Variants in NEK4 observed in about 807,000 individuals in gnomAD.
The protein encoded by NEK4 is NIMA related kinase 4, also known as serine/threonine-protein kinase Nek4.
A neutral mutation model predicts 98.4 loss-of-function variants in NEK4; 86 were observed. The observed-to-expected ratio is 0.87, with a 90% CI of 0.73 to 1.05. The LOEUF (loss-of-function observed/expected upper bound fraction) is 1.05. Among genes scored for constraint, NEK4 ranks in the 50% least tolerant of loss-of-function variants. The pLI is 0.00. For synonymous variants in NEK4, 328 were observed against 342.2 expected (o/e 0.96, Z 0.46); for missense variants, 898 against 950.3 (o/e 0.94, Z 0.72).
At chr3:52,727,197 T>C (rs6794706) in intron 15 of NEK4, among the ~76,000 whole-genome samples, 147,850 of 152,142 alleles carry the variant, frequency 0.97, 71,992 homozygotes, top group Middle Eastern at 1. Context: ...TGGTCTCGAA[T>C]TCCTGACCTT....
chr3:52,736,856 T>C (rs1371365475), intron 15 of NEK4, among the ~76,000 whole-genome samples: 1 of 152,224 alleles, frequency 6.6e-6, no homozygotes, highest in Non-Finnish European at 1.5e-5. Context: ...TTGAGTATGA[T>C]TCACATTTAA....
At chr3:52,714,692 A>G (rs2097353509) in intron 15 of NEK4, among the ~76,000 whole-genome samples, 1 of 152,156 alleles carries the variant, frequency 6.6e-6, no homozygotes, top group African/African-American at 2.4e-5. Flanking sequence ...GTCGGGCGCA[A>G]AGGGGCAGGC....
At chr3:52,714,668 G>A (rs2097353479) in intron 15 of NEK4, among the ~76,000 whole-genome samples, 1 of 152,196 alleles carries the variant, frequency 6.6e-6, no homozygotes, top group African/African-American at 2.4e-5. Context: ...ACCTGCCGCT[G>A]GGGGAGCAGC....
intron 6 of NEK4, chr3:52,754,604 C>A (rs1014087418): frequency 3.1e-5 from 31 of 999,528 alleles, no homozygotes; most frequent in African/African-American, 6.4e-5. Flanking sequence ...TGAAGAACAG[C>A]ACAATAAGTG....
At chr3:52,725,308 G>A (rs1456448185) in intron 15 of NEK4, among the ~76,000 whole-genome samples, 22 of 151,984 alleles carry the variant, frequency 1.4e-4, no homozygotes, top group Admixed American at 1.4e-3. Flanking sequence ...TCAGGAGATC[G>A]AGACCATCCT....
intron 10 of NEK4, among the ~76,000 whole-genome samples, chr3:52,745,370 C>G (rs1260085323): frequency 6.6e-6 from 1 of 151,934 alleles, no homozygotes; most frequent in African/African-American, 2.4e-5. Context: ...CATCTGAGGT[C>G]AGGAGTTTGA....
intron 15 of NEK4, among the ~76,000 whole-genome samples, chr3:52,723,586 G>GA (rs1406719398): frequency 2.0e-5 from 3 of 152,132 alleles, no homozygotes; most frequent in African/African-American, 7.2e-5. Flanking sequence ...TAACTGCAAT[G>GA]AAAAAGCAGA....
intron 6 of NEK4, chr3:52,754,709 G>T: frequency 1.9e-6 from 1 of 530,202 alleles, no homozygotes; most frequent in South Asian, 1.5e-5. Flanking sequence ...TGGTGAATCT[G>T]GTACACCATG....
At position 52,708,889 on chromosome 3, in the gene NEK4, A is replaced by C. The variant is rs888744282; in HGVS notation, c.*2888T>G. ...TCTAAAAGAGAAAACCGAAATCAGA[A>C]TTACTGACACTTTAGGCCAGGCATG... On this transcript the variant is annotated 3_prime_UTR_variant, in exon 16 of 16. Transcript: ENST00000233027. 4.6e-5 allele frequency: 7 copies of C among 152,202 alleles called. No individual in the cohort carries two copies. Among genetic ancestry groups the C allele is most frequent in the African/African-American group, 1.7e-4 (7 of 41,456 alleles). 9.4% of individuals were successfully genotyped at this position (152,202 alleles called of 1,614,324 possible). A position where few individuals can be genotyped will look rare whatever the true frequency, so the allele number is the denominator to read the frequency against.
At chr3:52,734,086 A>C (rs966861661) in intron 15 of NEK4, among the ~76,000 whole-genome samples, 1 of 152,330 alleles carries the variant, frequency 6.6e-6, no homozygotes, top group African/African-American at 2.4e-5. Flanking sequence ...TTGGCCAGGC[A>C]TAGTGGTTCA....
At chr3:52,737,508 T>C in intron 15 of NEK4, 78 bp downstream of exon 15, 4 of 1,442,608 alleles carry the variant, frequency 2.8e-6, no homozygotes, top group South Asian at 2.3e-5. Flanking sequence ...TGAATTGTTA[T>C]GTGTGATTTA....
chr3:52,747,778 T>C (rs1316358624), intron 8 of NEK4, among the ~76,000 whole-genome samples: 1 of 141,632 alleles, frequency 7.1e-6, no homozygotes, highest in Admixed American at 7.0e-5. Context: ...GACCTCCATC[T>C]CCATTTAAAA....
At chr3:52,763,775 C>A in intron 4 of NEK4, 151 bp from the exon 5 acceptor site, 1 of 550,372 alleles carries the variant, frequency 1.8e-6, no homozygotes, top group Non-Finnish European at 3.1e-6. Flanking sequence ...GTACTGGTAT[C>A]CCAGTTGTAA....
chr3:52,732,256 C>G (rs544452146), intron 15 of NEK4, among the ~76,000 whole-genome samples: 1 of 152,070 alleles, frequency 6.6e-6, no homozygotes, highest in African/African-American at 2.4e-5. Context: ...TGCAGTGGCG[C>G]GATCTTGGCT....
intron 10 of NEK4, among the ~76,000 whole-genome samples, chr3:52,745,131 G>A (rs1313956524): frequency 6.6e-6 from 1 of 151,874 alleles, no homozygotes; most frequent in East Asian, 2.0e-4. Flanking sequence ...GTGTTAGCCA[G>A]GATGGTCTCG....
rs747680044 is a variant in NEK4, at chr3:52,746,810, C to A, written c.1601G>T (p.Arg534Leu). Residue 534 changes from arginine (R) to leucine (L), a missense_variant, in exon 9 of 16, where the codon CGA (arginine) becomes CTA (leucine). Transcript: ENST00000233027. The part of the protein sequence containing the change: ...HNSGSEPSLS[R>L]QRRQKRREQT... ...TTCTCTCCTCTTTTGCCGTCGCTGT[C>A]GAGACAGGGAAGGTTCAGACCCAGA... The A allele has an allele frequency of 4.3e-6, 7 of 1,614,098 alleles. No individual in the cohort carries two copies. Among genetic ancestry groups the A allele is most frequent in the Non-Finnish European group, 5.9e-6 (7 of 1,179,988 alleles).
intron 15 of NEK4, among the ~76,000 whole-genome samples, chr3:52,716,867 C>T (rs1055644558): frequency 6.6e-6 from 1 of 152,182 alleles, no homozygotes; most frequent in African/African-American, 2.4e-5. Context: ...TTCTCCATCC[C>T]GCCTAAGTGA....
intron 6 of NEK4, among the ~76,000 whole-genome samples, chr3:52,755,164 A>T (rs1419340315): frequency 6.6e-6 from 1 of 151,966 alleles, no homozygotes; most frequent in African/African-American, 2.4e-5. Flanking sequence ...AAAGACAAAT[A>T]TTGTATGATT....
rs1440912633 is a variant in NEK4 at position 52,710,008 on chromosome 3, T to C, written c.*1769A>G. ...TAAAAGGGCAGGAAGTATTGTTTTA[T>C]TCACCACTATATCCCCAGCTCCTGG... is the stretch of plus-strand genomic sequence containing the variant. On this transcript the variant is annotated 3_prime_UTR_variant, in exon 16 of 16. Coordinates refer to ENST00000233027, the MANE Select transcript of NEK4 (RefSeq NM_003157.6). The C allele has an allele frequency of 6.6e-6, 1 of 152,226 alleles. No individual in the cohort carries two copies. The highest frequency in any genetic ancestry group is 1.5e-5 in the Non-Finnish European group (1 of 68,056). The allele number at this position is 152,226 out of a possible 1,614,324, so 9.4% of individuals were successfully genotyped here.
Sources: gnomAD v4.1 joint callset for allele counts (sites outside exome capture counted in the v4.1 genomes callset) on GRCh38, gnomAD v4.1.1 for gene constraint, MANE v1.5 for transcripts, NCBI Gene and HGNC (gene_info 2026-07-23, HGNC 2026-07-21) for gene names.